CWC27: variants seen among roughly 807,000 people sequenced by gnomAD.
The protein encoded by CWC27 is spliceosome-associated protein CWC27 homolog.
In CWC27, 47 loss-of-function variants were observed where a neutral mutation model predicts 63.6. That is an observed-to-expected ratio of 0.74 (90% CI 0.58 to 0.94). The LOEUF (loss-of-function observed/expected upper bound fraction) is 0.94. Among genes scored for constraint, CWC27 ranks in the 40% least tolerant of loss-of-function variants. The pLI, the probability that CWC27 is intolerant of heterozygous loss-of-function variation, is 0.00. For synonymous variants in CWC27, 175 were observed against 179.8 expected (o/e 0.97, Z 0.22); for missense variants, 495 against 554.3 (o/e 0.89, Z 1.07).
intron 3 of CWC27, among the ~76,000 whole-genome samples, chr5:64,782,429 CAG>C (rs1379437110): frequency 8.2e-6 from 1 of 121,856 alleles, no homozygotes; most frequent in Non-Finnish European, 1.9e-5. Flanking sequence ...GCCTGGGCGA[CAG>C]AGCGAGACTC....
At chr5:64,961,053 A>G (rs190568400) in intron 11 of CWC27, among the ~76,000 whole-genome samples, 1 of 152,302 alleles carries the variant, frequency 6.6e-6, no homozygotes, top group East Asian at 1.9e-4. Context: ...GATAGATAAC[A>G]TTGGTTCATT....
In CWC27 at chr5:64,914,514, C is replaced by T. The variant is rs114950312; in HGVS notation, c.1042+28968C>T. On this transcript the variant is annotated intron_variant, in intron 11 of 13. Coordinates refer to ENST00000381070, the MANE Select transcript of CWC27 (RefSeq NM_005869.4). ...CACAAAGGAAAATATCTAGTGTCCACTAATCATAAGAAAATTTGTCCAACT... is the reference window on the plus strand; with the variant it reads ...CACAAAGGAAAATATCTAGTGTCCATTAATCATAAGAAAATTTGTCCAACT... Among the ~76,000 whole-genome samples, 220 of 152,180 alleles carry T rather than the reference C, an allele frequency of 1.4e-3. 1 individual carries two copies. Among genetic ancestry groups the T allele is most frequent in the African/African-American group, 4.9e-3 (202 of 41,546 alleles).
intron 11 of CWC27, among the ~76,000 whole-genome samples, chr5:64,952,572 G>A (rs895384842): frequency 6.6e-5 from 10 of 151,960 alleles, no homozygotes; most frequent in Non-Finnish European, 1.2e-4. Flanking sequence ...AGAACCTGGA[G>A]AGGGGTATGG....
At chr5:64,829,278 C>T (rs563825587) in intron 10 of CWC27, among the ~76,000 whole-genome samples, 24 of 152,142 alleles carry the variant, frequency 1.6e-4, no homozygotes, top group Middle Eastern at 3.4e-3. Context: ...GAATTAATGG[C>T]TTAATGTCAG....
intron 13 of CWC27, among the ~76,000 whole-genome samples, chr5:64,982,463 C>G (rs1749346036): frequency 6.6e-6 from 1 of 151,870 alleles, no homozygotes; most frequent in Non-Finnish European, 1.5e-5. Flanking sequence ...GCTAAGACCA[C>G]AGGCATACAC....
chr5:64,867,313 G>A (rs1044649659), intron 10 of CWC27, among the ~76,000 whole-genome samples: 22 of 151,904 alleles, frequency 1.4e-4, no homozygotes, highest in African/African-American at 5.1e-4. Context: ...CTTGCTTTTG[G>A]TATTATTATA....
chr5:64,979,324 A>G (rs985947069), intron 13 of CWC27, among the ~76,000 whole-genome samples: 1 of 152,224 alleles, frequency 6.6e-6, no homozygotes, highest in African/African-American at 2.4e-5. Flanking sequence ...AGAGCTGTAC[A>G]CTATGAACCT....
Position 64,862,365 on chromosome 5 carries a change from C to T in CWC27, c.939-23078C>T, listed in dbSNP as rs1746431543. ...AGGAAGTAAATATAATATACCCTTC[C>T]TCAAAAACAAACAAAACCCTAGAAG... On this transcript the variant is annotated intron_variant, in intron 10 of 13. Transcript: ENST00000381070. Among the ~76,000 whole-genome samples, 5 of 127,458 alleles carry T rather than the reference C, an allele frequency of 3.9e-5. No homozygotes were observed. In the South Asian group the frequency reaches 1.3e-3, roughly 33 times the overall value. 83.6% of individuals were successfully genotyped at this position (127,458 alleles called of 152,430 possible).
At chr5:64,842,851 C>A (rs1745880933) in intron 10 of CWC27, among the ~76,000 whole-genome samples, 1 of 152,146 alleles carries the variant, frequency 6.6e-6, no homozygotes, top group African/African-American at 2.4e-5. Context: ...TCCGCCCACC[C>A]TCACCCTCTC....
chr5:64,831,990 A>G (rs1405154559), intron 10 of CWC27, among the ~76,000 whole-genome samples: 2 of 151,956 alleles, frequency 1.3e-5, no homozygotes, highest in African/African-American at 2.4e-5. Flanking sequence ...ACTATTTAAT[A>G]GCACATATAT....
intron 10 of CWC27, among the ~76,000 whole-genome samples, chr5:64,858,134 T>A (rs1215016950): frequency 6.9e-5 from 3 of 43,344 alleles, no homozygotes; most frequent in African/African-American, 3.4e-4. Flanking sequence ...CGAGACTCCG[T>A]CTCAAAAAAA....
intron 7 of CWC27, among the ~76,000 whole-genome samples, chr5:64,793,655 A>AGT (rs1275486612): frequency 2.0e-5 from 3 of 152,184 alleles, no homozygotes; most frequent in African/African-American, 7.2e-5. Flanking sequence ...AAGCCAAATA[A>AGT]GTGTCTGTTC....
At chr5:64,991,189 T>G (rs1333994635) in intron 13 of CWC27, among the ~76,000 whole-genome samples, 1 of 152,260 alleles carries the variant, frequency 6.6e-6, no homozygotes, top group Non-Finnish European at 1.5e-5. Context: ...TGTGGTTTAA[T>G]CCTTCCTGTG....
rs556003716 is a variant in CWC27, at chr5:64,809,988, T to C, written c.938+5602T>C. Among the ~76,000 whole-genome samples the C allele has an allele frequency of 3.9e-5, 6 of 152,118 alleles. No homozygotes were observed. The South Asian group carries it at 1.0e-3, about 26-fold the overall frequency. On this transcript the variant is annotated intron_variant, in intron 10 of 13. Coordinates refer to ENST00000381070, the MANE Select transcript of CWC27 (RefSeq NM_005869.4). The stretch of plus-strand genomic sequence containing the variant: ...ATTGCTGAGTCCAGTGTCATCAGGC[T>C]ATTCCCGCCTCTTTTTTTTTTCTAG...
At chr5:64,867,465 G>A (rs985450573) in intron 10 of CWC27, among the ~76,000 whole-genome samples, 4 of 152,038 alleles carry the variant, frequency 2.6e-5, no homozygotes, top group East Asian at 3.9e-4. Flanking sequence ...TAATAAAGCC[G>A]TCAGTGCTTC....
chr5:64,780,696 C>T (rs1306035337), intron 2 of CWC27, among the ~76,000 whole-genome samples: 2 of 53,102 alleles, frequency 3.8e-5, no homozygotes, highest in African/African-American at 9.0e-5. Context: ...CGCGCACACG[C>T]GCGCACACAC....
intron 11 of CWC27, among the ~76,000 whole-genome samples, chr5:64,942,119 T>C (rs1041112846): frequency 6.6e-6 from 1 of 152,054 alleles, no homozygotes; most frequent in Admixed American, 6.6e-5. Flanking sequence ...AAGTGCTTTA[T>C]TTTATACTAA....
At position 64,913,035 on chromosome 5, in the gene CWC27, T is replaced by G. The variant is rs190032611; in HGVS notation, c.1042+27489T>G. On this transcript the variant is annotated intron_variant, in intron 11 of 13. Coordinates refer to ENST00000381070, the MANE Select transcript of CWC27 (RefSeq NM_005869.4). ...CTTTCATATTAAATGAGGCAATATTTTAATAATACATCATACATCCTGACA... is the reference window on the plus strand; with the variant it reads ...CTTTCATATTAAATGAGGCAATATTGTAATAATACATCATACATCCTGACA... Among the ~76,000 whole-genome samples, 311 of 152,274 alleles carry G rather than the reference T, an allele frequency of 2.0e-3. 3 individuals carry two copies. The highest frequency in any genetic ancestry group is 7.3e-3 in the African/African-American group (302 of 41,588).
intron 10 of CWC27, among the ~76,000 whole-genome samples, chr5:64,836,793 A>AT (rs1745669751): frequency 6.6e-6 from 1 of 151,990 alleles, no homozygotes; most frequent in Non-Finnish European, 1.5e-5. Context: ...TGTGATGTAA[A>AT]GCCTTGGTTA....
Sources: gnomAD v4.1 joint callset for allele counts (sites outside exome capture counted in the v4.1 genomes callset) on GRCh38, gnomAD v4.1.1 for gene constraint, MANE v1.5 for transcripts, NCBI Gene and HGNC (gene_info 2026-07-23, HGNC 2026-07-21) for gene names.